The following BTBD9 variants were observed in gnomAD, a reference collection of about 807,000 sequenced individuals.
BTBD9 encodes BTB domain containing 9.
In BTBD9, 49 loss-of-function variants were observed where a neutral mutation model predicts 64.3. The ratio of observed to expected loss-of-function variants is 0.76; its 90% CI spans 0.61 to 0.97. The LOEUF (loss-of-function observed/expected upper bound fraction) is 0.97, where lower values mean the gene tolerates loss of function less well. Among genes scored for constraint, BTBD9 ranks in the 50% least tolerant of loss-of-function variants. The pLI is 0.00. For synonymous variants in BTBD9, 260 were observed against 274.7 expected, an observed-to-expected ratio of 0.95 and a Z score of 0.53; for missense variants, 598 against 762.1, an observed-to-expected ratio of 0.78 and a Z score of 2.53.
At chr6:38,620,034 G>A (rs1414480163) in intron 1 of BTBD9, among the ~76,000 whole-genome samples, 1 of 152,148 alleles carries the variant, frequency 6.6e-6, no homozygotes. Flanking sequence ...GTCCAAATCA[G>A]GCTAAAAGAC....
At chr6:38,620,181 G>C (rs1777936300) in intron 1 of BTBD9, among the ~76,000 whole-genome samples, 1 of 152,190 alleles carries the variant, frequency 6.6e-6, no homozygotes, top group Non-Finnish European at 1.5e-5. Context: ...CGAATTCTAG[G>C]AGTACAAAAA....
At chr6:38,538,456 G>A (rs1182387535) in intron 6 of BTBD9, among the ~76,000 whole-genome samples, 3 of 152,036 alleles carry the variant, frequency 2.0e-5, no homozygotes, top group Admixed American at 2.0e-4. Flanking sequence ...GTACATTCTG[G>A]GAGTGACAGG....
At chr6:38,387,608 T>C (rs1766234180) in intron 6 of BTBD9, among the ~76,000 whole-genome samples, 1 of 152,154 alleles carries the variant, frequency 6.6e-6, no homozygotes, top group Non-Finnish European at 1.5e-5. Context: ...GAAGGCATCA[T>C]GTATCTAATA....
In BTBD9 at chr6:38,292,857, C is replaced by T. The variant is rs4714142; in HGVS notation, c.1265-4396G>A. ...CCTCTTAGTTATTTCTTGTCTTCTG[C>T]GAGTTTTTGAATTTGTTTGCTCTTG... On this transcript the variant is annotated intron_variant, in intron 7 of 10. Transcript: ENST00000481247. 7.2e-3 allele frequency among the ~76,000 whole-genome samples: 1,093 copies of T among 152,158 alleles called. 46 individuals carry two copies. Among genetic ancestry groups the T allele is most frequent in the Admixed American group, 0.054 (819 of 15,274 alleles).
At chr6:38,270,603 C>T (rs1765166985) in intron 8 of BTBD9, among the ~76,000 whole-genome samples, 1 of 152,184 alleles carries the variant, frequency 6.6e-6, no homozygotes, top group Non-Finnish European at 1.5e-5. Flanking sequence ...CTGAGGTAAC[C>T]TCCAAGGCGC....
At chr6:38,440,484 C>T (rs188916811) in intron 6 of BTBD9, among the ~76,000 whole-genome samples, 13 of 152,222 alleles carry the variant, frequency 8.5e-5, no homozygotes, top group East Asian at 1.9e-4. Context: ...ACCTTGACAA[C>T]GGCAGTTTGA....
At chr6:38,614,663 G>A (rs892114271) in intron 1 of BTBD9, among the ~76,000 whole-genome samples, 4 of 152,088 alleles carry the variant, frequency 2.6e-5, no homozygotes, top group South Asian at 2.1e-4. Flanking sequence ...CACTGCCTTC[G>A]ACCTCAACCT....
intron 7 of BTBD9, among the ~76,000 whole-genome samples, chr6:38,317,860 CTT>C (rs1003444016): frequency 1.3e-5 from 2 of 149,514 alleles, no homozygotes; most frequent in Non-Finnish European, 3.0e-5. Flanking sequence ...TAATTATTTT[CTT>C]TGTTAAATGT....
intron 6 of BTBD9, among the ~76,000 whole-genome samples, chr6:38,572,660 A>G (rs1775825402): frequency 6.6e-6 from 1 of 152,182 alleles, no homozygotes; most frequent in African/African-American, 2.4e-5. Flanking sequence ...TTAGGATAGC[A>G]AGAAATGATT....
intron 6 of BTBD9, among the ~76,000 whole-genome samples, chr6:38,358,935 C>A (rs1204583549): frequency 1.3e-5 from 2 of 151,880 alleles, no homozygotes; most frequent in Non-Finnish European, 2.9e-5. Flanking sequence ...CCGCGCCCGG[C>A]TAATTTTTTG....
intron 8 of BTBD9, among the ~76,000 whole-genome samples, chr6:38,277,157 T>A (rs1761300067): frequency 6.6e-6 from 1 of 152,180 alleles, no homozygotes; most frequent in African/African-American, 2.4e-5. Context: ...ATCACTATGC[T>A]GGCAAAGCAC....
chr6:38,504,548 T>C (rs1027885162), intron 6 of BTBD9: 8 of 456,750 alleles, frequency 1.8e-5, no homozygotes, highest in Admixed American at 9.4e-5. Context: ...TCCTGTATCA[T>C]AGATCTCTCA....
intron 7 of BTBD9, among the ~76,000 whole-genome samples, chr6:38,310,971 C>A (rs1009259531): frequency 6.6e-6 from 1 of 152,128 alleles, no homozygotes; most frequent in Non-Finnish European, 1.5e-5. Flanking sequence ...CCTCACCTGG[C>A]TAATTTTTTT....
intron 6 of BTBD9, among the ~76,000 whole-genome samples, chr6:38,400,651 A>G (rs564276033): frequency 5.9e-4 from 90 of 152,202 alleles, no homozygotes; most frequent in African/African-American, 2.1e-3. Flanking sequence ...ATCACTCCCT[A>G]GGATACCAGC....
intron 7 of BTBD9, among the ~76,000 whole-genome samples, chr6:38,298,733 C>T (rs1762259654): frequency 6.6e-6 from 1 of 152,136 alleles, no homozygotes; most frequent in African/African-American, 2.4e-5. Context: ...ATGAGATCAA[C>T]TTTTTAAGCT....
At chr6:38,287,348 G>A (rs946438368) in intron 8 of BTBD9, among the ~76,000 whole-genome samples, 1 of 150,802 alleles carries the variant, frequency 6.6e-6, no homozygotes, top group African/African-American at 2.4e-5. Flanking sequence ...TTGTAATGTT[G>A]CCCAAGCTGG....
chr6:38,276,384 A>C (rs1761250707), intron 8 of BTBD9, among the ~76,000 whole-genome samples: 1 of 151,920 alleles, frequency 6.6e-6, no homozygotes, highest in Non-Finnish European at 1.5e-5. Context: ...GCATTAGGAG[A>C]TATACCTAAT....
intron 6 of BTBD9, among the ~76,000 whole-genome samples, chr6:38,410,231 G>C (rs572583686): frequency 6.6e-6 from 1 of 152,254 alleles, no homozygotes; most frequent in South Asian, 2.1e-4. Flanking sequence ...AGCACTTTGG[G>C]AGGCTGAGGC....
chr6:38,256,439 A>G lies in BTBD9; in HGVS notation c.1532T>C (p.Met511Thr), dbSNP rs376734377. The G allele has an allele frequency of 6.4e-5, 103 of 1,613,752 alleles. 1 individual carries two copies. In the Middle Eastern group the frequency reaches 1.2e-3, roughly 18 times the overall value. The change falls in exon 9 of 11, where the codon ATG becomes ACG. Residue 511 changes from methionine to threonine, a missense_variant. Met to Thr is a moderately conservative substitution (Grantham distance 81, BLOSUM62 -1). Transcript: ENST00000481247. ...GGAGACTTTAGTTCTGTCAGCAACCATGGTCCACTGTTGCTGGTTGGTAGA... is the reference window on the plus strand; with the variant it reads ...GGAGACTTTAGTTCTGTCAGCAACCGTGGTCCACTGTTGCTGGTTGGTAGA... Reference protein sequence around the residue: ...EVSTNQQQWTMVADRTKVSCK... With the variant: ...EVSTNQQQWTTVADRTKVSCK...
Sources: allele counts gnomAD v4.1 joint callset (sites outside exome capture counted in the v4.1 genomes callset), GRCh38; gene constraint gnomAD v4.1.1; transcripts MANE v1.5; gene names NCBI Gene and HGNC (gene_info 2026-07-23, HGNC 2026-07-21).